GNAQ: variants seen among roughly 807,000 people sequenced by gnomAD.
GNAQ encodes the protein G protein subunit alpha q.
GNAQ carries 8 observed loss-of-function variants against 43.9 expected under a neutral mutation model. That is an observed-to-expected ratio of 0.18 (90% CI 0.11 to 0.33). The LOEUF (loss-of-function observed/expected upper bound fraction) is 0.33. GNAQ is among the 10% of genes least tolerant of loss of function. GNAQ has a pLI of 1.00. For synonymous variants in GNAQ, 155 were observed against 170.7 expected (o/e 0.91, Z 0.71); for missense variants, 158 against 450.8 (o/e 0.35, Z 5.88).
intron 1 of GNAQ, among the ~76,000 whole-genome samples, chr9:78,029,663 G>A (rs923430408): frequency 1.3e-5 from 2 of 152,156 alleles, no homozygotes; most frequent in African/African-American, 4.8e-5. Context: ...CTATGTGTGT[G>A]ATCAGTATAT....
At chr9:77,778,451 C>T (rs115983774) in intron 5 of GNAQ, among the ~76,000 whole-genome samples, 1,833 of 151,650 alleles carry the variant, frequency 0.012, 37 homozygotes, top group African/African-American at 0.041. Flanking sequence ...GCTAAGACAG[C>T]AGAGAAAATG....
intron 1 of GNAQ, among the ~76,000 whole-genome samples, chr9:77,953,869 T>TGCCA (rs951057403): frequency 6.6e-6 from 1 of 152,222 alleles, no homozygotes; most frequent in Non-Finnish European, 1.5e-5. Flanking sequence ...TTCTGCCTGC[T>TGCCA]GCCAGCACAG....
intron 1 of GNAQ, among the ~76,000 whole-genome samples, chr9:77,961,895 A>AC (rs1374940994): frequency 6.6e-6 from 1 of 152,250 alleles, no homozygotes; most frequent in African/African-American, 2.4e-5. Flanking sequence ...GAAGACAAGG[A>AC]TGTTTTTTAA....
chr9:77,984,440 G>A (rs149019692), intron 1 of GNAQ, among the ~76,000 whole-genome samples: 74 of 152,174 alleles, frequency 4.9e-4, no homozygotes, highest in African/African-American at 1.5e-3. Flanking sequence ...GATTACAGGC[G>A]TGAGCCACCA....
At chr9:78,018,755 G>A (rs1189177393) in intron 1 of GNAQ, among the ~76,000 whole-genome samples, 3 of 151,816 alleles carry the variant, frequency 2.0e-5, no homozygotes, top group Non-Finnish European at 4.4e-5. Flanking sequence ...TCCAAAAAGA[G>A]AATAAAAGAC....
intron 1 of GNAQ, among the ~76,000 whole-genome samples, chr9:77,989,013 A>T (rs1823476444): frequency 1.3e-5 from 2 of 152,238 alleles, no homozygotes; most frequent in African/African-American, 2.4e-5. Context: ...GCCAGAGATT[A>T]CATAAGAATT....
At position 77,821,846 on chromosome 9, in the gene GNAQ, A is replaced by G. The variant is rs137909689; in HGVS notation, c.322-6076T>C. 8.7e-3 allele frequency among the ~76,000 whole-genome samples: 1,326 copies of G among 151,694 alleles called. 6 individuals are homozygous for G. Among genetic ancestry groups the G allele is most frequent in the Middle Eastern group, 0.028 (8 of 288 alleles). Reference sequence around the variant, plus strand: ...AGTCACAGTTGATTTAAAAAAATTGAAAAGAGAGATTAAAGATATGCATAT... The same window carrying G: ...AGTCACAGTTGATTTAAAAAAATTGGAAAGAGAGATTAAAGATATGCATAT... On this transcript the variant is annotated intron_variant, in intron 2 of 6. Coordinates refer to ENST00000286548, the MANE Select transcript of GNAQ (RefSeq NM_002072.5).
At chr9:77,747,819 T>C (rs781738551) in intron 5 of GNAQ, among the ~76,000 whole-genome samples, 1 of 152,246 alleles carries the variant, frequency 6.6e-6, no homozygotes, top group Non-Finnish European at 1.5e-5. Context: ...ACCTAATTTC[T>C]TGAACATCTG....
chr9:77,738,162 T>C (rs1825601086), intron 5 of GNAQ, among the ~76,000 whole-genome samples: 1 of 152,242 alleles, frequency 6.6e-6, no homozygotes, highest in Non-Finnish European at 1.5e-5. Flanking sequence ...AGTCAGTTTT[T>C]ATTCAATTTG....
At chr9:77,779,896 A>C (rs1030083369) in intron 5 of GNAQ, among the ~76,000 whole-genome samples, 1 of 151,968 alleles carries the variant, frequency 6.6e-6, no homozygotes, top group African/African-American at 2.4e-5. Flanking sequence ...GAATAGGCCT[A>C]TATTCAGTAA....
chr9:77,951,092 CTT>C (rs35044662), intron 1 of GNAQ, among the ~76,000 whole-genome samples: 2 of 89,296 alleles, frequency 2.2e-5, no homozygotes, highest in East Asian at 6.7e-4. Context: ...GTCAAGTGTT[CTT>C]TTTTTTTTTT....
At chr9:77,841,764 G>T (rs1827494717) in intron 2 of GNAQ, among the ~76,000 whole-genome samples, 1 of 152,108 alleles carries the variant, frequency 6.6e-6, no homozygotes, top group African/African-American at 2.4e-5. Context: ...TCATTATATG[G>T]AAGACTCTGA....
At chr9:77,723,408 T>C (rs147562075) in intron 6 of GNAQ, among the ~76,000 whole-genome samples, 173 of 152,332 alleles carry the variant, frequency 1.1e-3, no homozygotes, top group African/African-American at 3.9e-3. Flanking sequence ...TCTAAAGGAA[T>C]TGAGAGCAGG....
chr9:77,746,596 G>C (rs1825733705), intron 5 of GNAQ, among the ~76,000 whole-genome samples: 1 of 151,880 alleles, frequency 6.6e-6, no homozygotes, highest in Admixed American at 6.6e-5. Context: ...ATTAACTCGT[G>C]GGAAAAAAAG....
At chr9:77,763,276 G>A (rs939938046) in intron 5 of GNAQ, among the ~76,000 whole-genome samples, 1 of 152,136 alleles carries the variant, frequency 6.6e-6, no homozygotes, top group Non-Finnish European at 1.5e-5. Flanking sequence ...TGAAAAGGGA[G>A]CAGGATTTTA....
intron 5 of GNAQ, among the ~76,000 whole-genome samples, chr9:77,739,241 C>T (rs1462601201): frequency 1.1e-4 from 17 of 152,084 alleles, no homozygotes; most frequent in Admixed American, 1.1e-3. Flanking sequence ...AAAATGATAG[C>T]TTGCTGTCTT....
intron 5 of GNAQ, among the ~76,000 whole-genome samples, chr9:77,766,257 A>G (rs1826135349): frequency 6.6e-6 from 1 of 152,200 alleles, no homozygotes; most frequent in Admixed American, 6.5e-5. Context: ...ATCAGTGTGA[A>G]GTGTAAAATG....
intron 1 of GNAQ, among the ~76,000 whole-genome samples, chr9:77,992,472 C>A (rs1350780004): frequency 2.6e-5 from 4 of 151,722 alleles, no homozygotes; most frequent in Admixed American, 6.6e-5. Context: ...ATTTTTTAAA[C>A]CTTCTTGGAC....
At chr9:77,933,093 C>T (rs944863160) in intron 1 of GNAQ, among the ~76,000 whole-genome samples, 4 of 152,132 alleles carry the variant, frequency 2.6e-5, no homozygotes, top group African/African-American at 9.7e-5. Context: ...AAAGCACTCT[C>T]GTACACCTAG....
Sources: allele counts gnomAD v4.1 joint callset (sites outside exome capture counted in the v4.1 genomes callset), GRCh38; gene constraint gnomAD v4.1.1; transcripts MANE v1.5; gene names NCBI Gene and HGNC (gene_info 2026-07-23, HGNC 2026-07-21).